C4orf50: variants seen among roughly 807,000 people sequenced by gnomAD.
C4orf50 encodes uncharacterized protein C4orf50.
In C4orf50, 80 loss-of-function variants were observed where a neutral mutation model predicts 77.2. That is an observed-to-expected ratio of 1.04 (90% CI 0.87 to 1.25). C4orf50 has a LOEUF of 1.25. Among genes scored for constraint, C4orf50 ranks in the 50% most tolerant of loss-of-function variants. The pLI is 0.00. For missense variants in C4orf50, 1,257 were observed against 1,152.9 expected, an observed-to-expected ratio of 1.09 and a Z score of -1.31; for synonymous variants, 532 against 465.3, an observed-to-expected ratio of 1.14 and a Z score of -1.84.
At chr4:5,997,913 A>G (rs926614200) in intron 25 of C4orf50, among the ~76,000 whole-genome samples, 2 of 152,218 alleles carry the variant, frequency 1.3e-5, no homozygotes, top group African/African-American at 2.4e-5. Context: ...GAAAAAAGGG[A>G]GATAGTTCCA....
Position 5,974,053 on chromosome 4 carries a change from G to A in C4orf50, c.3922-212C>T, listed in dbSNP as rs146009289. On this transcript the variant is annotated intron_variant, in intron 30 of 33. Transcript: ENST00000531445. ...ACGGCCACACACCCCCAGGGGCTCCGCACTGCCCTTTCCATGGGGTCTAGG... is the reference window on the plus strand; with the variant it reads ...ACGGCCACACACCCCCAGGGGCTCCACACTGCCCTTTCCATGGGGTCTAGG... Among the ~76,000 whole-genome samples, 656 of 152,282 alleles carry A rather than the reference G, an allele frequency of 4.3e-3. 4 individuals carry two copies. Among genetic ancestry groups the A allele is most frequent in the African/African-American group, 0.015 (626 of 41,566 alleles).
At chr4:6,004,083 A>G (rs1406706124) in intron 25 of C4orf50, among the ~76,000 whole-genome samples, 10 of 25,886 alleles carry the variant, frequency 3.9e-4, no homozygotes, top group Admixed American at 3.0e-3. Context: ...TGATGATGTG[A>G]TAGTGATGAT....
chr4:5,909,479 T>C (rs1301286631), intron 7 of C4orf50, among the ~76,000 whole-genome samples: 1 of 152,258 alleles, frequency 6.6e-6, no homozygotes, highest in Non-Finnish European at 1.5e-5. Context: ...ACTCTGTTGA[T>C]TGTTTCCTTT....
At chr4:5,971,118 A>G (rs75549984) in intron 31 of C4orf50, among the ~76,000 whole-genome samples, 2 of 152,282 alleles carry the variant, frequency 1.3e-5, no homozygotes, top group East Asian at 3.9e-4. Context: ...TGAAGTTCCC[A>G]GGACCTGTCC....
intron 7 of C4orf50, among the ~76,000 whole-genome samples, chr4:5,911,161 G>T (rs1007044318): frequency 1.3e-5 from 2 of 151,930 alleles, no homozygotes; most frequent in Non-Finnish European, 2.9e-5. Context: ...CACCTGCCTC[G>T]GCCTCCCAAA....
chr4:5,973,743 C>G, exon 31 of C4orf50: 1 of 1,614,046 alleles, frequency 6.2e-7, no homozygotes, highest in Non-Finnish European at 8.5e-7. Flanking sequence ...GCTCGGAGAG[C>G]AGGAGGTTCC....
chr4:5,915,061 G>A (rs971987979), intron 7 of C4orf50, among the ~76,000 whole-genome samples: 4 of 152,120 alleles, frequency 2.6e-5, no homozygotes, highest in African/African-American at 9.7e-5. Context: ...TACAGGACAG[G>A]CACCGCAAAT....
At chr4:5,912,358 C>T (rs1716845357) in intron 7 of C4orf50, among the ~76,000 whole-genome samples, 1 of 151,266 alleles carries the variant, frequency 6.6e-6, no homozygotes. Context: ...GAGCAGGATA[C>T]CAATTTTGCA....
intron 25 of C4orf50, among the ~76,000 whole-genome samples, chr4:6,003,919 G>GTGATGA (rs1722002998): frequency 1.5e-4 from 5 of 32,348 alleles, no homozygotes; most frequent in African/African-American, 2.3e-4. Flanking sequence ...GTTGATGATG[G>GTGATGA]TGGTGATGGT....
chr4:5,982,822 C>T (rs1291851687), intron 28 of C4orf50, among the ~76,000 whole-genome samples: 4 of 152,016 alleles, frequency 2.6e-5, no homozygotes, highest in Admixed American at 2.6e-4. Context: ...AGAGGCCCCC[C>T]AGCAGGAGAC....
In C4orf50 at chr4:6,015,817, C is replaced by T. The variant is rs4234716; in HGVS notation, c.287+2328G>A. The stretch of plus-strand genomic sequence containing the variant: ...GGAGCCAGCTGCATGCAATCCCACA[C>T]TGGCGGCCACACTGCCATCCCTAGA... On this transcript the variant is annotated intron_variant, in intron 23 of 33. Transcript: ENST00000531445. This position sits in a 1 kb window ranked among gnomAD's most constrained non-coding sequence, Gnocchi z 4.4. Among the ~76,000 whole-genome samples the T allele has an allele frequency of 0.97, 147,427 of 152,288 alleles. 71,397 individuals carry two copies. Among genetic ancestry groups the T allele is most frequent in the East Asian group, 1 (5,159 of 5,160 alleles).
intron 7 of C4orf50, among the ~76,000 whole-genome samples, chr4:5,949,510 A>C (rs1456476297): frequency 6.6e-6 from 1 of 152,196 alleles, no homozygotes; most frequent in Non-Finnish European, 1.5e-5. Context: ...ATAGAGACAG[A>C]AAGTGGATTG....
intron 28 of C4orf50, among the ~76,000 whole-genome samples, chr4:5,988,040 G>A (rs1219782714): frequency 6.6e-6 from 1 of 151,786 alleles, no homozygotes; most frequent in Non-Finnish European, 1.5e-5. Context: ...CTTAAAGTGT[G>A]AACACCCCGT....
Position 5,901,166 on chromosome 4 carries a change from C to A in C4orf50, c.*2475-2978G>T, listed in dbSNP as rs1560531993. The A allele has an allele frequency of 6.6e-6, 1 of 152,250 alleles. No homozygotes were observed. The highest frequency in any genetic ancestry group is 1.5e-5 in the Non-Finnish European group (1 of 68,054). The allele number at this position is 152,250 out of a possible 1,614,324, so 9.4% of individuals were successfully genotyped here. Reference sequence around the variant, plus strand: ...TACAACCATCTGACAAGTATTTCTTCTCTGCCTTAGCCTGTGGACTTTCTT... The same window carrying A: ...TACAACCATCTGACAAGTATTTCTTATCTGCCTTAGCCTGTGGACTTTCTT... On this transcript the variant is annotated intron_variant, in intron 7 of 7. Transcript: ENST00000324058. This position sits in a 1 kb window ranked among gnomAD's most constrained non-coding sequence, Gnocchi z 4.4.
intron 25 of C4orf50, among the ~76,000 whole-genome samples, chr4:5,995,195 G>T (rs774002696): frequency 1.3e-5 from 2 of 152,064 alleles, no homozygotes; most frequent in Non-Finnish European, 2.9e-5. Flanking sequence ...GAGTCACCCC[G>T]AACACAGCCC....
rs1722496942 is a variant in C4orf50, at chr4:6,011,622, G to T, written c.426+208C>A. On this transcript the variant is annotated intron_variant, in intron 24 of 33. Coordinates refer to ENST00000531445, the Ensembl canonical transcript of C4orf50. The surrounding 1 kb of genome is among the most constrained non-coding windows in gnomAD (Gnocchi z 4.2). ...AGGTCCTCAGGCACAAGAGCTTCCA[G>T]CAAGTGTACAGCCCCCACCCCCACA... is the stretch of plus-strand genomic sequence containing the variant. 6.6e-6 allele frequency among the ~76,000 whole-genome samples: 1 copy of T among 152,178 alleles called. No homozygotes were observed.
chr4:5,960,703 T>C (rs925309393), intron 33 of C4orf50, among the ~76,000 whole-genome samples: 7 of 152,124 alleles, frequency 4.6e-5, no homozygotes, highest in Non-Finnish European at 1.0e-4. Flanking sequence ...AGGACGGAAG[T>C]ACTGACTGCA....
At chr4:5,975,817 G>T in intron 30 of C4orf50, 82 bp downstream of exon 8, 2 of 1,098,474 alleles carry the variant, frequency 1.8e-6, no homozygotes, top group Non-Finnish European at 1.4e-6. Context: ...AATAGAGGTG[G>T]ATTACATGTC....
chr4:5,947,186 C>A (rs1007909414), intron 7 of C4orf50, among the ~76,000 whole-genome samples: 7 of 152,120 alleles, frequency 4.6e-5, no homozygotes, highest in Non-Finnish European at 8.8e-5. Context: ...CCTGCTGAGA[C>A]CCCATTCATG....
Sources: allele counts gnomAD v4.1 joint callset (sites outside exome capture counted in the v4.1 genomes callset), GRCh38; gene constraint gnomAD v4.1.1; non-coding constraint Gnocchi (gnomAD v3.1); transcripts MANE v1.5; gene names NCBI Gene and HGNC (gene_info 2026-07-23, HGNC 2026-07-21).